The following DGLUCY variants were observed in gnomAD, a reference collection of about 807,000 sequenced individuals.
DGLUCY encodes D-glutamate cyclase.
Under a neutral mutation model 58.5 loss-of-function variants are expected in DGLUCY, and 58 were observed. That is an observed-to-expected ratio of 0.99 (90% CI 0.80 to 1.23). The LOEUF (loss-of-function observed/expected upper bound fraction) is 1.23, where lower values mean the gene tolerates loss of function less well. Among genes scored for constraint, DGLUCY ranks in the 50% most tolerant of loss-of-function variants. The pLI is 0.00. For synonymous variants in DGLUCY, 325 were observed against 314.1 expected (o/e 1.03, Z -0.37); for missense variants, 779 against 784.7 (o/e 0.99, Z 0.09).
At chr14:91,217,483 C>CTTT (rs11306803) in intron 13 of DGLUCY, among the ~76,000 whole-genome samples, 1 of 123,158 alleles carries the variant, frequency 8.1e-6, no homozygotes, top group Non-Finnish European at 1.7e-5. Context: ...CCTTTTCTGT[C>CTTT]TTTTTTTTTT....
intron 3 of DGLUCY, among the ~76,000 whole-genome samples, chr14:91,164,752 T>G (rs1468810296): frequency 6.6e-6 from 1 of 152,204 alleles, no homozygotes; most frequent in Non-Finnish European, 1.5e-5. Flanking sequence ...CAATCACCCC[T>G]GTAGCCACCA....
At chr14:91,204,629 A>G in intron 11 of DGLUCY, 77 bp from the exon 12 acceptor site, 12 of 1,570,178 alleles carry the variant, frequency 7.6e-6, no homozygotes, top group Non-Finnish European at 1.0e-5. Flanking sequence ...CAACAAGCAC[A>G]TGTAGGGCTG....
chr14:91,099,388 C>T (rs11845188), intron 1 of DGLUCY, among the ~76,000 whole-genome samples: 2,764 of 152,176 alleles, frequency 0.018, 92 homozygotes, highest in African/African-American at 0.064. Context: ...CAAAAATTAG[C>T]CAGGCATGGG....
chr14:91,187,056 G>A (rs2049566241), intron 8 of DGLUCY, among the ~76,000 whole-genome samples: 1 of 151,864 alleles, frequency 6.6e-6, no homozygotes, highest in Non-Finnish European at 1.5e-5. Flanking sequence ...TTGGAGTGCA[G>A]TGGTGCGATC....
At chr14:91,167,100 T>C (rs1185914459) in intron 3 of DGLUCY, 125 bp from the exon 4 acceptor site, 11 of 1,240,154 alleles carry the variant, frequency 8.9e-6, no homozygotes, top group East Asian at 2.5e-5. Flanking sequence ...GATTGTGCCA[T>C]TGCACTCCAG....
chr14:91,135,221 C>T (rs2046258160), intron 1 of DGLUCY, among the ~76,000 whole-genome samples: 1 of 152,160 alleles, frequency 6.6e-6, no homozygotes, highest in Non-Finnish European at 1.5e-5. Flanking sequence ...TCACTGTGCC[C>T]TGCTGCCTTA....
At chr14:91,157,119 G>A (rs28618089) in intron 1 of DGLUCY, among the ~76,000 whole-genome samples, 9,928 of 130,632 alleles carry the variant, frequency 0.076, 641 homozygotes, top group African/African-American at 0.18. Flanking sequence ...GGATGGATGG[G>A]TGGATGGATG....
chr14:91,224,406 A>T (rs1292008770), intron 13 of DGLUCY, among the ~76,000 whole-genome samples: 1 of 152,162 alleles, frequency 6.6e-6, no homozygotes, highest in Non-Finnish European at 1.5e-5. Context: ...CCATTAAAGC[A>T]TATTATTTAG....
intron 12 of DGLUCY, among the ~76,000 whole-genome samples, chr14:91,205,427 C>T (rs61990148): frequency 0.17 from 25,757 of 152,104 alleles, 2,288 homozygotes; most frequent in Middle Eastern, 0.21. Context: ...TTTGACCTCA[C>T]CACACATTTC....
chr14:91,060,694 C>T (rs925910869), exon 1 of DGLUCY: 1 of 366,432 alleles, frequency 2.7e-6, no homozygotes, highest in Non-Finnish European at 4.8e-6. Context: ...GCTCCGCCCA[C>T]AGCCAGCAAG....
At chr14:91,174,336 C>A (rs746742042) in intron 6 of DGLUCY, among the ~76,000 whole-genome samples, 2 of 152,110 alleles carry the variant, frequency 1.3e-5, no homozygotes, top group Non-Finnish European at 2.9e-5. Flanking sequence ...GACACAGTTT[C>A]CCTCTGTCGC....
chr14:91,150,147 A>T (rs1489414466), intron 1 of DGLUCY, among the ~76,000 whole-genome samples: 1 of 135,996 alleles, frequency 7.4e-6, no homozygotes, highest in African/African-American at 2.8e-5. Flanking sequence ...TGAACCCAGT[A>T]GGTGGAAGTT....
chr14:91,123,370 TGCCCTGGCAG>T (rs1320711503), intron 1 of DGLUCY, among the ~76,000 whole-genome samples: 1 of 152,122 alleles, frequency 6.6e-6, no homozygotes, highest in Non-Finnish European at 1.5e-5. Context: ...CAATAAACGC[TGCCCTGGCAG>T]GCCCTGGCAA....
At chr14:91,115,858 C>T (rs748691183) in intron 1 of DGLUCY, among the ~76,000 whole-genome samples, 5 of 152,018 alleles carry the variant, frequency 3.3e-5, no homozygotes, top group South Asian at 2.1e-4. Flanking sequence ...AATGGGCTCA[C>T]GTTTCCGCAG....
At chr14:91,068,391 G>C (rs1309124500) in intron 1 of DGLUCY, among the ~76,000 whole-genome samples, 1 of 152,196 alleles carries the variant, frequency 6.6e-6, no homozygotes, top group Non-Finnish European at 1.5e-5. Flanking sequence ...ATTGGGGGCC[G>C]GGCACGGTGG....
chr14:91,127,676 G>A (rs1031913509), intron 1 of DGLUCY, among the ~76,000 whole-genome samples: 4 of 152,214 alleles, frequency 2.6e-5, no homozygotes, highest in Admixed American at 1.3e-4. Flanking sequence ...ACACTGTGTC[G>A]TCCTTCTCCC....
chr14:91,179,506 C>T (rs1232840948), intron 7 of DGLUCY, among the ~76,000 whole-genome samples: 2 of 152,176 alleles, frequency 1.3e-5, no homozygotes, highest in African/African-American at 2.4e-5. Context: ...AATCCCAGCA[C>T]TCTGGGAGGC....
chr14:91,083,719 T>G lies in DGLUCY; in HGVS notation c.-82+23015T>G, dbSNP rs557780115. Among the ~76,000 whole-genome samples the G allele has an allele frequency of 9.9e-5, 15 of 151,244 alleles. No individual in the cohort carries two copies. The South Asian group carries it at 1.1e-3, about 11-fold the overall frequency. ...AGAGATGCCAGCAATGTTTTTCTGG[T>G]TTTTTTTTAATAATGTGTCAGAAAT... On this transcript the variant is annotated intron_variant, in intron 1 of 4. Coordinates refer to the DGLUCY transcript ENST00000521334.
intron 9 of DGLUCY, among the ~76,000 whole-genome samples, chr14:91,194,687 C>T (rs2050102478): frequency 1.3e-5 from 2 of 151,938 alleles, no homozygotes; most frequent in South Asian, 2.1e-4. Context: ...ATTACAGGCG[C>T]CCGCCACCAC....
Sources: gnomAD v4.1 joint callset for allele counts (sites outside exome capture counted in the v4.1 genomes callset) on GRCh38, gnomAD v4.1.1 for gene constraint, MANE v1.5 for transcripts, NCBI Gene and HGNC (gene_info 2026-07-23, HGNC 2026-07-21) for gene names.